Variants in OR1J2 observed in about 807,000 individuals in gnomAD.
The protein encoded by OR1J2 is olfactory receptor family 1 subfamily J member 2, also known as olfactory receptor 1J2.
For missense variants in OR1J2, 304 were observed against 246.1 expected (o/e 1.24, Z -1.57); for synonymous variants, 142 against 99.7 (o/e 1.42, Z -2.52).
At chr9:122,507,035 A>C (rs919012338), upstream of OR1J2, among the ~76,000 whole-genome samples, 1 of 152,084 alleles carries the variant, frequency 6.6e-6, no homozygotes, top group East Asian at 1.9e-4. Context: ...ATTTGGGATA[A>C]TTTTTCTTTG....
downstream of OR1J2, among the ~76,000 whole-genome samples, chr9:122,516,364 C>T (rs1219038115): frequency 7.7e-6 from 1 of 129,168 alleles, no homozygotes; most frequent in Non-Finnish European, 1.5e-5. Flanking sequence ...AGTGCAGTGG[C>T]GGGATCTCGG....
chr9:122,500,420 T>C, the OR1J2 span, among the ~76,000 whole-genome samples: 1 of 152,198 alleles, frequency 6.6e-6, no homozygotes, highest in Admixed American at 6.5e-5. Context: ...TTCCCCTCTC[T>C]GGGATCTGGG....
At chr9:122,519,326 C>T in the OR1J2 span, 17 of 1,614,026 alleles carry the variant, frequency 1.1e-5, no homozygotes, top group African/African-American at 1.6e-4. Context: ...TGTTCTTCTT[C>T]CTCAGCCACT....
the OR1J2 span, chr9:122,554,213 C>CTA: frequency 1.1e-5 from 16 of 1,394,244 alleles, no homozygotes; most frequent in African/African-American, 1.4e-5. Context: ...TCCCTGTCTT[C>CTA]CATCACTTCA....
the OR1J2 span, among the ~76,000 whole-genome samples, chr9:122,547,832 A>C: frequency 6.6e-6 from 1 of 152,200 alleles, no homozygotes; most frequent in Admixed American, 6.6e-5. Flanking sequence ...GCTGGATCAA[A>C]TGATAGTTCT....
chr9:122,474,025 G>T, the OR1J2 span, among the ~76,000 whole-genome samples: 2 of 152,094 alleles, frequency 1.3e-5, no homozygotes, highest in Non-Finnish European at 2.9e-5. Flanking sequence ...TTGAAACTCA[G>T]TTACATAAAC....
the OR1J2 span, among the ~76,000 whole-genome samples, chr9:122,453,834 G>C: frequency 1.3e-5 from 2 of 152,206 alleles, no homozygotes; most frequent in African/African-American, 4.8e-5. Context: ...CTCATACCCA[G>C]GTATTTGCTT....
the OR1J2 span, among the ~76,000 whole-genome samples, chr9:122,550,062 A>G: frequency 2.2e-5 from 3 of 135,952 alleles, no homozygotes; most frequent in Non-Finnish European, 4.7e-5. Flanking sequence ...TTTTTCTTGT[A>G]GACATTTTTT....
the OR1J2 span, among the ~76,000 whole-genome samples, chr9:122,576,059 A>G: frequency 6.6e-6 from 1 of 152,182 alleles, no homozygotes; most frequent in East Asian, 1.9e-4. Context: ...TGGCAAATGG[A>G]AAGATCTACT....
At chr9:122,556,526 G>A in the OR1J2 span, among the ~76,000 whole-genome samples, 638 of 152,178 alleles carry the variant, frequency 4.2e-3, 9 homozygotes, top group African/African-American at 0.014. Context: ...GGGGGTTAGG[G>A]GACAAGGGGA....
Position 122,511,071 on chromosome 9 carries a change from A to G in OR1J2, c.270A>G (p.Lys90=), listed in dbSNP as rs766181055. The change falls in exon 1 of 1, where the codon AAA becomes AAG. Residue 90 remains lysine, a synonymous_variant. Transcript: ENST00000335302. The part of the protein sequence containing the change: ...KMLMDMRTKY[K]SILYEECISQ... ...TGATGGACATGCGGACTAAGTACAA[A>G]TCGATCCTCTATGAGGAATGCATTT... The G allele has an allele frequency of 6.1e-6, 8 of 1,314,906 alleles. No homozygotes were observed. In the South Asian group the frequency reaches 1.0e-4, roughly 17 times the overall value. The allele number at this position is 1,314,906 out of a possible 1,614,324, so 81.5% of individuals were successfully genotyped here.
the OR1J2 span, among the ~76,000 whole-genome samples, chr9:122,490,593 CAT>C: frequency 6.6e-6 from 1 of 151,958 alleles, no homozygotes; most frequent in African/African-American, 2.4e-5. Context: ...ATGTCAACAA[CAT>C]AGAGGCAGAG....
chr9:122,527,088 A>C, the OR1J2 span: 11 of 1,614,108 alleles, frequency 6.8e-6, no homozygotes, highest in East Asian at 2.4e-4. Flanking sequence ...CGTTAAACCC[A>C]TGTCAACAAA....
At chr9:122,518,191 G>A in the OR1J2 span, among the ~76,000 whole-genome samples, 1 of 152,224 alleles carries the variant, frequency 6.6e-6, no homozygotes, top group Non-Finnish European at 1.5e-5. Context: ...GTAGATAGTG[G>A]CTGTGGAGGA....
chr9:122,450,792 T>C, the OR1J2 span, among the ~76,000 whole-genome samples: 2 of 152,186 alleles, frequency 1.3e-5, no homozygotes, highest in Non-Finnish European at 2.9e-5. Context: ...TGTTCTACTC[T>C]TTACTTCTAT....
chr9:122,551,130 C>T, the OR1J2 span, among the ~76,000 whole-genome samples: 45,754 of 151,870 alleles, frequency 0.3, 7,413 homozygotes, highest in East Asian at 0.54. Context: ...AAGCTGAGAA[C>T]CAAATCAAGA....
At chr9:122,521,883 G>A in the OR1J2 span, among the ~76,000 whole-genome samples, 2 of 152,288 alleles carry the variant, frequency 1.3e-5, no homozygotes, top group South Asian at 4.1e-4. Context: ...TTTAGCCACA[G>A]GCTGGTGACA....
At chr9:122,504,065 C>T in the OR1J2 span, among the ~76,000 whole-genome samples, 1 of 152,228 alleles carries the variant, frequency 6.6e-6, no homozygotes, top group Non-Finnish European at 1.5e-5. Context: ...TCTGGGGGCC[C>T]AGGCTACCTG....
chr9:122,577,614 C>T, the OR1J2 span, among the ~76,000 whole-genome samples: 8 of 151,954 alleles, frequency 5.3e-5, no homozygotes, highest in Non-Finnish European at 8.8e-5. Context: ...ATTTTTTCAC[C>T]AATCATATTA....
Sources: gnomAD v4.1 joint callset for allele counts (sites outside exome capture counted in the v4.1 genomes callset) on GRCh38, gnomAD v4.1.1 for gene constraint, MANE v1.5 for transcripts, NCBI Gene and HGNC (gene_info 2026-07-23, HGNC 2026-07-21) for gene names.